Variants in STK32B observed in about 807,000 individuals in gnomAD.
STK32B encodes the protein serine/threonine kinase 32B, also known as serine/threonine-protein kinase 32B.
STK32B carries 43 observed loss-of-function variants against 52.6 expected under a neutral mutation model. The ratio of observed to expected loss-of-function variants is 0.82; its 90% CI spans 0.64 to 1.05. The LOEUF is 1.05. Ranked by LOEUF, STK32B falls within the 50% of genes least tolerant of loss-of-function variation. STK32B has a pLI of 0.00. For synonymous variants in STK32B, 238 were observed against 204.3 expected, an observed-to-expected ratio of 1.17 and a Z score of -1.41; for missense variants, 621 against 534.6, an observed-to-expected ratio of 1.16 and a Z score of -1.59.
At chr4:5,432,951 TC>T (rs773076590) in intron 6 of STK32B, among the ~76,000 whole-genome samples, 25 of 152,158 alleles carry the variant, frequency 1.6e-4, no homozygotes, top group Non-Finnish European at 3.2e-4. Context: ...TTAAGCAGCT[TC>T]CCCAAGGTCA....
At chr4:5,144,503 A>C (rs1296331740) in intron 2 of STK32B, among the ~76,000 whole-genome samples, 1 of 152,182 alleles carries the variant, frequency 6.6e-6, no homozygotes, top group African/African-American at 2.4e-5. Flanking sequence ...CTGGACACAA[A>C]TATGGTACTG....
At chr4:5,392,042 G>T (rs1286620480) in intron 4 of STK32B, among the ~76,000 whole-genome samples, 1 of 152,166 alleles carries the variant, frequency 6.6e-6, no homozygotes, top group Non-Finnish European at 1.5e-5. Flanking sequence ...TTTGTGCTTT[G>T]TAAGGATATT....
chr4:5,403,094 C>G (rs777300188), intron 5 of STK32B, among the ~76,000 whole-genome samples: 3 of 152,148 alleles, frequency 2.0e-5, no homozygotes, highest in Non-Finnish European at 4.4e-5. Flanking sequence ...AAGCTTTGGC[C>G]TCTGGAGCCT....
intron 9 of STK32B, among the ~76,000 whole-genome samples, chr4:5,462,297 TG>T (rs1020581252): frequency 6.6e-6 from 1 of 151,830 alleles, no homozygotes; most frequent in African/African-American, 2.4e-5. Context: ...TCTGTGTGTG[TG>T]TACCTGCTTG....
intron 4 of STK32B, among the ~76,000 whole-genome samples, chr4:5,342,582 G>A (rs1337821974): frequency 1.3e-5 from 2 of 152,118 alleles, no homozygotes; most frequent in Non-Finnish European, 2.9e-5. Flanking sequence ...CCAAGGAGAT[G>A]GTGCTAAACC....
rs939189758 is a variant in STK32B, at chr4:5,095,077, T to C, written c.52+43162T>C. On this transcript the variant is annotated intron_variant, in intron 1 of 11. Transcript: ENST00000282908. The stretch of plus-strand genomic sequence containing the variant: ...TAATGGCACTGAGACCAGGTGCTCC[T>C]GTAGGGATTAATTCAGGGGAGCAGC... Among the ~76,000 whole-genome samples the C allele has an allele frequency of 2.0e-5, 3 of 152,286 alleles. No individual in the cohort carries two copies. The East Asian group carries it at 5.8e-4, about 29-fold the overall frequency.
At chr4:5,415,487 A>C (rs1712084296) in intron 5 of STK32B, among the ~76,000 whole-genome samples, 1 of 152,206 alleles carries the variant, frequency 6.6e-6, no homozygotes, top group Admixed American at 6.5e-5. Flanking sequence ...GAATAGAGAC[A>C]TACTCATCGC....
intron 3 of STK32B, among the ~76,000 whole-genome samples, chr4:5,211,637 C>T (rs1443454373): frequency 1.3e-5 from 2 of 152,146 alleles, no homozygotes; most frequent in African/African-American, 4.8e-5. Flanking sequence ...TGTGGCCCAT[C>T]TCCTCCCTGC....
At chr4:5,421,765 T>C (rs1338151729) in intron 6 of STK32B, among the ~76,000 whole-genome samples, 1 of 152,206 alleles carries the variant, frequency 6.6e-6, no homozygotes, top group African/African-American at 2.4e-5. Context: ...ATCTGACCTG[T>C]ATTGGGACCT....
chr4:5,133,843 A>G (rs1715913518), intron 1 of STK32B, among the ~76,000 whole-genome samples: 1 of 152,098 alleles, frequency 6.6e-6, no homozygotes, highest in African/African-American at 2.4e-5. Flanking sequence ...TATGGCCGTC[A>G]TCCTGACTTG....
chr4:5,264,655 C>T (rs938161555), intron 3 of STK32B, among the ~76,000 whole-genome samples: 22 of 151,914 alleles, frequency 1.4e-4, no homozygotes, highest in Middle Eastern at 3.4e-3. Context: ...GGCATGGTGG[C>T]GGGCGCCTGT....
rs541111550 is a variant in STK32B at position 5,378,423 on chromosome 4, AT to A, written c.435-19777del. 6.6e-6 allele frequency among the ~76,000 whole-genome samples: 1 copy of A among 151,898 alleles called. No individual in the cohort carries two copies. Among genetic ancestry groups the A allele is most frequent in the Non-Finnish European group, 1.5e-5 (1 of 67,962 alleles). The stretch of plus-strand genomic sequence containing the variant: ...AGCCCTGGACTTTGCATTTTATTTT[AT>A]TTTTTTCCTTTATGACGTGAGTTAA... On this transcript the variant is annotated intron_variant, in intron 4 of 11. Coordinates refer to ENST00000282908, the MANE Select transcript of STK32B (RefSeq NM_018401.3). This position sits in a 1 kb window ranked among gnomAD's most constrained non-coding sequence, Gnocchi z 4.4.
intron 11 of STK32B, among the ~76,000 whole-genome samples, chr4:5,495,669 CAG>C (rs902979362): frequency 6.6e-6 from 1 of 152,108 alleles, no homozygotes; most frequent in African/African-American, 2.4e-5. Context: ...TTAGAGTTTC[CAG>C]TTTTTCTGCT....
chr4:5,347,923 A>G (rs949834820), intron 4 of STK32B, among the ~76,000 whole-genome samples: 5 of 152,222 alleles, frequency 3.3e-5, no homozygotes, highest in Admixed American at 6.5e-5. Flanking sequence ...TTAAAAAAAT[A>G]AATTACCCAG....
At chr4:5,428,801 G>A (rs187617699) in intron 6 of STK32B, among the ~76,000 whole-genome samples, 1 of 152,138 alleles carries the variant, frequency 6.6e-6, no homozygotes. Context: ...TTTTCATTTA[G>A]GATCATTACG....
intron 3 of STK32B, among the ~76,000 whole-genome samples, chr4:5,296,400 T>C (rs1040182977): frequency 6.6e-6 from 1 of 152,226 alleles, no homozygotes; most frequent in African/African-American, 2.4e-5. Context: ...GGAGTCCAAG[T>C]CTCTTCATAG....
intron 3 of STK32B, among the ~76,000 whole-genome samples, chr4:5,188,137 G>T (rs1720891858): frequency 1.3e-5 from 2 of 152,144 alleles, no homozygotes; most frequent in South Asian, 4.1e-4. Context: ...TTCCTTCTGA[G>T]AAAAACCAAA....
intron 11 of STK32B, among the ~76,000 whole-genome samples, chr4:5,474,574 C>T (rs1287974972): frequency 6.6e-6 from 1 of 152,196 alleles, no homozygotes; most frequent in East Asian, 1.9e-4. Flanking sequence ...CCACAAACCT[C>T]ACTGCTGGGA....
At chr4:5,430,518 G>T (rs1713487861) in intron 6 of STK32B, among the ~76,000 whole-genome samples, 1 of 152,124 alleles carries the variant, frequency 6.6e-6, no homozygotes, top group Admixed American at 6.5e-5. Context: ...TTCCTTGTTT[G>T]TTAGGTCTGA....
Sources: allele counts gnomAD v4.1 joint callset (sites outside exome capture counted in the v4.1 genomes callset), GRCh38; gene constraint gnomAD v4.1.1; non-coding constraint Gnocchi (gnomAD v3.1); transcripts MANE v1.5; gene names NCBI Gene and HGNC (gene_info 2026-07-23, HGNC 2026-07-21).